The following ZBTB2 variants were observed in gnomAD, a reference collection of about 807,000 sequenced individuals.
ZBTB2 encodes the protein zinc finger and BTB domain containing 2.
Under a neutral mutation model 39.5 loss-of-function variants are expected in ZBTB2, and 2 were observed. The ratio of observed to expected loss-of-function variants is 0.05; its 90% CI spans 0.02 to 0.16. The LOEUF is 0.16. Among genes scored for constraint, ZBTB2 ranks in the 10% least tolerant of loss-of-function variants. ZBTB2 has a pLI of 1.00. For synonymous variants in ZBTB2, 251 were observed against 256.6 expected (o/e 0.98, Z 0.21); for missense variants, 391 against 653.0 (o/e 0.60, Z 4.37).
At position 151,366,494 on chromosome 6, in the gene ZBTB2, T is replaced by C. The variant is rs1207934888; in HGVS notation, c.572A>G (p.Asn191Ser). Residue 191 changes from asparagine to serine, a missense_variant, in exon 3 of 3, where the codon AAT (asparagine) becomes AGT (serine). Asn to Ser is a conservative substitution (Grantham distance 46). This residue lies in a region of ZBTB2 where 175 missense variants were observed against 198.6 expected (regional missense o/e 0.88). Coordinates refer to ENST00000325144, the MANE Select transcript of ZBTB2 (RefSeq NM_020861.3). The surrounding 1 kb of genome is among the most constrained non-coding windows in gnomAD (Gnocchi z 7.1). Reference protein sequence around the residue: ...TSNLAQVNRTNMTPSDPLQTS... With the variant: ...TSNLAQVNRTSMTPSDPLQTS... ...CTGCAGGGGGTCTGAGGGAGTCATATTTGTCCGATTCACCTGGGCCAGATT... is the reference window on the plus strand; with the variant it reads ...CTGCAGGGGGTCTGAGGGAGTCATACTTGTCCGATTCACCTGGGCCAGATT... 1 of 1,614,002 alleles carries C rather than the reference T, an allele frequency of 6.2e-7. No individual in the cohort carries two copies. The highest frequency in any genetic ancestry group is 1.1e-5 in the South Asian group (1 of 91,066).
intron 1 of ZBTB2, among the ~76,000 whole-genome samples, chr6:151,384,028 G>C (rs1286347849): frequency 6.6e-6 from 1 of 152,110 alleles, no homozygotes. Flanking sequence ...TTACCAGCTG[G>C]GTGACTGAGG....
At chr6:151,373,730 C>G in intron 1 of ZBTB2, 81 bp from the exon 2 acceptor site, 1 of 1,293,632 alleles carries the variant, frequency 7.7e-7, no homozygotes, top group Non-Finnish European at 1.1e-6. Context: ...CAGTCATGAT[C>G]ATAGCTAACA....
chr6:151,387,341 C>T (rs970392342), intron 1 of ZBTB2, among the ~76,000 whole-genome samples: 1 of 147,212 alleles, frequency 6.8e-6, no homozygotes, highest in Non-Finnish European at 1.5e-5. Flanking sequence ...TTAAGCAGAT[C>T]TTCTCAGTGT....
intron 1 of ZBTB2, among the ~76,000 whole-genome samples, chr6:151,389,388 ATCAG>A (rs1165731683): frequency 2.0e-5 from 3 of 152,214 alleles, no homozygotes; most frequent in Non-Finnish European, 2.9e-5. Flanking sequence ...TTTGTGATAA[ATCAG>A]TCAAATGAGA....
intron 1 of ZBTB2, among the ~76,000 whole-genome samples, chr6:151,387,974 TAATA>T (rs1359674836): frequency 6.6e-6 from 1 of 152,248 alleles, no homozygotes; most frequent in African/African-American, 2.4e-5. Context: ...TTTAATTATT[TAATA>T]GTTTAATTTG....
chr6:151,391,112 G>T (rs918819121), intron 1 of ZBTB2, among the ~76,000 whole-genome samples: 11 of 144,420 alleles, frequency 7.6e-5, no homozygotes, highest in African/African-American at 2.8e-4. Flanking sequence ...CCGACTCGCC[G>T]CCGCCTGGCT....
intron 1 of ZBTB2, among the ~76,000 whole-genome samples, chr6:151,379,355 AC>A (rs1442300350): frequency 1.3e-5 from 2 of 152,136 alleles, no homozygotes; most frequent in African/African-American, 4.8e-5. Context: ...ATTTAATAAA[AC>A]CAGGCCAGGT....
At chr6:151,370,020 T>C (rs1473804773) in intron 2 of ZBTB2, 1 of 816,950 alleles carries the variant, frequency 1.2e-6, no homozygotes. Context: ...GCTTGACCTC[T>C]GTCAATCACT....
intron 2 of ZBTB2, among the ~76,000 whole-genome samples, chr6:151,369,909 AAAACAAAC>A (rs531686396): frequency 0.013 from 1,927 of 152,216 alleles, 39 homozygotes; most frequent in African/African-American, 0.044. Flanking sequence ...ACTCCATCTC[AAAACAAAC>A]AAACAAACAA....
At chr6:151,375,341 A>G (rs1046474564) in intron 1 of ZBTB2, among the ~76,000 whole-genome samples, 13 of 152,204 alleles carry the variant, frequency 8.5e-5, no homozygotes, top group African/African-American at 2.7e-4. Flanking sequence ...TGAAAACTAT[A>G]AAACACTGGT....
chr6:151,371,051 C>T (rs1027027136), intron 2 of ZBTB2, among the ~76,000 whole-genome samples: 1 of 152,166 alleles, frequency 6.6e-6, no homozygotes, highest in African/African-American at 2.4e-5. Flanking sequence ...CTTTTCAATA[C>T]CATTGAATTC....
At chr6:151,391,096 G>T (rs1385958774) in intron 1 of ZBTB2, among the ~76,000 whole-genome samples, 1 of 149,966 alleles carries the variant, frequency 6.7e-6, no homozygotes, top group African/African-American at 2.5e-5. Context: ...CCGGATGGAG[G>T]CGCCGCCGAC....
intron 1 of ZBTB2, among the ~76,000 whole-genome samples, chr6:151,375,068 C>G (rs1306312167): frequency 6.6e-6 from 1 of 151,732 alleles, no homozygotes; most frequent in Non-Finnish European, 1.5e-5. Context: ...TGCGGTGAGC[C>G]GAGCTCACAC....
chr6:151,378,645 TA>T (rs1778966383), intron 1 of ZBTB2, among the ~76,000 whole-genome samples: 1 of 152,170 alleles, frequency 6.6e-6, no homozygotes, highest in East Asian at 1.9e-4. Context: ...CTTTTCTCAT[TA>T]AAAAAGTATC....
intron 1 of ZBTB2, among the ~76,000 whole-genome samples, chr6:151,382,475 G>A (rs2114875216): frequency 6.6e-6 from 1 of 151,302 alleles, no homozygotes. Context: ...GGCTGGTTTC[G>A]AACTCCCGAC....
In ZBTB2 at chr6:151,388,417, T is replaced by C. The variant is rs1582926058; in HGVS notation, c.-13+3003A>G. ...CTACAGATGAGCTTTAGATATTTCC[T>C]TCTCTATTTTGTAAGTCTCAAATTG... On this transcript the variant is annotated intron_variant, in intron 1 of 2. Transcript: ENST00000325144. Among the ~76,000 whole-genome samples, 4 of 152,340 alleles carry C rather than the reference T, an allele frequency of 2.6e-5. No individual in the cohort carries two copies. In the South Asian group the frequency reaches 6.2e-4, roughly 24 times the overall value.
chr6:151,367,798 T>C (rs2114851655), intron 2 of ZBTB2, among the ~76,000 whole-genome samples: 1 of 152,372 alleles, frequency 6.6e-6, no homozygotes, highest in Admixed American at 6.5e-5. Context: ...CCTAAAGCCG[T>C]TGAAGATGCT....
chr6:151,389,652 C>G (rs1779239115), intron 1 of ZBTB2, among the ~76,000 whole-genome samples: 1 of 152,210 alleles, frequency 6.6e-6, no homozygotes, highest in African/African-American at 2.4e-5. Flanking sequence ...TCAAGGCTCA[C>G]AAACTCAGTG....
At chr6:151,385,327 C>T (rs577454910) in intron 1 of ZBTB2, among the ~76,000 whole-genome samples, 1 of 152,352 alleles carries the variant, frequency 6.6e-6, no homozygotes, top group South Asian at 2.1e-4. Flanking sequence ...TTCATTGCCA[C>T]TGTTTCCTCC....
Sources: allele counts gnomAD v4.1 joint callset (sites outside exome capture counted in the v4.1 genomes callset), GRCh38; gene constraint gnomAD v4.1.1; regional missense constraint gnomAD v4.1.1; non-coding constraint Gnocchi (gnomAD v3.1); transcripts MANE v1.5; gene names NCBI Gene and HGNC (gene_info 2026-07-23, HGNC 2026-07-21).